CGGBP1: variants seen among roughly 807,000 people sequenced by gnomAD.
CGGBP1 encodes the protein CGG triplet repeat-binding protein 1.
CGGBP1 carries 4 observed loss-of-function variants against 11.4 expected under a neutral mutation model. The ratio of observed to expected loss-of-function variants is 0.35; its 90% CI spans 0.17 to 0.80. CGGBP1 has a LOEUF of 0.80. Ranked by LOEUF, CGGBP1 falls within the 30% of genes least tolerant of loss-of-function variation. The probability of loss-of-function intolerance (pLI) is 0.52; values close to 1 mark genes in which losing one functional copy is unlikely to be tolerated. For missense variants in CGGBP1, 135 were observed against 202.1 expected, an observed-to-expected ratio of 0.67 and a Z score of 2.01; for synonymous variants, 76 against 74.1, an observed-to-expected ratio of 1.03 and a Z score of -0.13.
chr3:88,127,826 T>C (rs1409839920), intron 2 of CGGBP1, among the ~76,000 whole-genome samples: 4 of 152,180 alleles, frequency 2.6e-5, no homozygotes, highest in African/African-American at 4.8e-5. Flanking sequence ...CTCATTGATA[T>C]GGATGACTTT....
chr3:88,096,630 T>G (rs1425094336), intron 2 of CGGBP1, among the ~76,000 whole-genome samples: 1 of 152,182 alleles, frequency 6.6e-6, no homozygotes, highest in African/African-American at 2.4e-5. Context: ...TTTCTTCTGA[T>G]GAAAAATCTG....
chr3:88,143,696 CTT>C (rs1707232143), intron 1 of CGGBP1: 1 of 152,182 alleles, frequency 6.6e-6, no homozygotes, highest in African/African-American at 2.4e-5. Context: ...TGTAATCTGT[CTT>C]TAACTTGAGG....
intron 2 of CGGBP1, among the ~76,000 whole-genome samples, chr3:88,109,584 T>C (rs1356287679): frequency 6.6e-6 from 1 of 152,112 alleles, no homozygotes; most frequent in Non-Finnish European, 1.5e-5. Flanking sequence ...ACTAATATGC[T>C]ACAGAAATCC....
chr3:88,123,624 T>C (rs1705913652), intron 2 of CGGBP1, among the ~76,000 whole-genome samples: 1 of 152,200 alleles, frequency 6.6e-6, no homozygotes, highest in South Asian at 2.1e-4. Context: ...TAAGTGTTTC[T>C]TATTTTCAGC....
At chr3:88,120,947 T>C (rs1186835051) in intron 2 of CGGBP1, among the ~76,000 whole-genome samples, 1 of 152,028 alleles carries the variant, frequency 6.6e-6, no homozygotes, top group Admixed American at 6.6e-5. Flanking sequence ...TGATAGAAAA[T>C]TTTCTTGTCT....
At chr3:88,130,979 TTATA>T (rs1458937973) in intron 2 of CGGBP1, among the ~76,000 whole-genome samples, 1 of 152,128 alleles carries the variant, frequency 6.6e-6, no homozygotes, top group Non-Finnish European at 1.5e-5. Context: ...ACACACACCT[TTATA>T]TACAGTTATG....
chr3:88,098,262 C>A (rs535904304), intron 2 of CGGBP1, among the ~76,000 whole-genome samples: 1 of 152,168 alleles, frequency 6.6e-6, no homozygotes, highest in East Asian at 1.9e-4. Context: ...ACACATACAC[C>A]CTCCAAAGAC....
chr3:88,108,201 T>C (rs1180132991), intron 2 of CGGBP1, among the ~76,000 whole-genome samples: 1 of 151,894 alleles, frequency 6.6e-6, no homozygotes, highest in Non-Finnish European at 1.5e-5. Flanking sequence ...ATTTTCAAAG[T>C]AGTTTTTTTT....
intron 2 of CGGBP1, among the ~76,000 whole-genome samples, chr3:88,083,287 A>G (rs1708176659): frequency 6.6e-6 from 1 of 152,260 alleles, no homozygotes; most frequent in African/African-American, 2.4e-5. Context: ...ATGTAATTTT[A>G]ACTTAATAGT....
intron 2 of CGGBP1, chr3:88,140,534 G>C: frequency 6.2e-7 from 1 of 1,613,708 alleles, no homozygotes; most frequent in South Asian, 1.1e-5. Flanking sequence ...ATATAAGCTT[G>C]ATAGACCAAA....
intron 2 of CGGBP1, among the ~76,000 whole-genome samples, chr3:88,074,871 C>T (rs1217585543): frequency 3.3e-5 from 5 of 152,146 alleles, no homozygotes; most frequent in African/African-American, 1.2e-4. Flanking sequence ...CCAGGCTCAC[C>T]AGTGTGCCAG....
chr3:88,081,711 C>G (rs1708085554), intron 2 of CGGBP1, among the ~76,000 whole-genome samples: 1 of 152,172 alleles, frequency 6.6e-6, no homozygotes, highest in African/African-American at 2.4e-5. Context: ...CAGCATTTCT[C>G]TACTTTCTGG....
chr3:88,135,443 A>G (rs1035304519), intron 2 of CGGBP1: 16 of 283,860 alleles, frequency 5.6e-5, no homozygotes, highest in African/African-American at 3.5e-4. Flanking sequence ...CTTTTTTCTT[A>G]TAATTAAATA....
intron 2 of CGGBP1, among the ~76,000 whole-genome samples, chr3:88,111,506 A>C (rs1418005425): frequency 6.6e-6 from 1 of 151,968 alleles, no homozygotes; most frequent in Admixed American, 6.6e-5. Context: ...TTTTTAATTC[A>C]TATAGATGTA....
intron 2 of CGGBP1, among the ~76,000 whole-genome samples, chr3:88,120,147 A>C (rs1705680498): frequency 6.6e-6 from 1 of 152,168 alleles, no homozygotes; most frequent in African/African-American, 2.4e-5. Flanking sequence ...AGTCATCTTA[A>C]AAATTATTAA....
intron 2 of CGGBP1, among the ~76,000 whole-genome samples, chr3:88,089,094 A>G (rs1226765216): frequency 6.6e-6 from 1 of 151,876 alleles, no homozygotes. Context: ...GTATTAAAAA[A>G]ATTATATTTA....
chr3:88,136,176 AAAC>A (rs1706772584), intron 2 of CGGBP1, among the ~76,000 whole-genome samples: 1 of 152,188 alleles, frequency 6.6e-6, no homozygotes, highest in Admixed American at 6.5e-5. Flanking sequence ...ACTTAATTTT[AAAC>A]AATAAAGATG....
chr3:88,146,953 T>C (rs1707323908), intron 1 of CGGBP1, among the ~76,000 whole-genome samples: 1 of 152,138 alleles, frequency 6.6e-6, no homozygotes, highest in African/African-American at 2.4e-5. Flanking sequence ...TTTAATAGTC[T>C]CCTAACTGGG....
Position 88,072,194 on chromosome 3 carries a change from G to T in CGGBP1, c.-228-13971C>A, listed in dbSNP as rs547624845. On this transcript the variant is annotated intron_variant, in intron 2 of 3. Transcript: ENST00000462901. ...TGAATTATCTAGTAAGGGAGAAAAG[G>T]CATATCTAACTATTATTTCTGTCTA... is the stretch of plus-strand genomic sequence containing the variant. 7.2e-5 allele frequency among the ~76,000 whole-genome samples: 11 copies of T among 152,242 alleles called. 1 individual carries two copies. The South Asian group carries it at 2.3e-3, about 32-fold the overall frequency.
Sources: gnomAD v4.1 joint callset for allele counts (sites outside exome capture counted in the v4.1 genomes callset) on GRCh38, gnomAD v4.1.1 for gene constraint, MANE v1.5 for transcripts, NCBI Gene and HGNC (gene_info 2026-07-23, HGNC 2026-07-21) for gene names.